ZNF143: variants seen among roughly 807,000 people sequenced by gnomAD.
ZNF143 encodes the protein zinc finger protein 143, also known as SPH-binding factor.
A neutral mutation model predicts 74.1 loss-of-function variants in ZNF143; 49 were observed. That is an observed-to-expected ratio of 0.66 (90% CI 0.53 to 0.84). ZNF143 has a LOEUF of 0.84. ZNF143 is among the 40% of genes least tolerant of loss of function. ZNF143 has a pLI of 0.00. For synonymous variants in ZNF143, 304 were observed against 282.8 expected (o/e 1.07, Z -0.75); for missense variants, 637 against 793.4 (o/e 0.80, Z 2.37).
chr11:9,482,224 C>T (rs1274182324), intron 7 of ZNF143, among the ~76,000 whole-genome samples: 1 of 147,858 alleles, frequency 6.8e-6, no homozygotes, highest in East Asian at 2.0e-4. Context: ...CCTGCCTTGG[C>T]TTCCCAAAGT....
chr11:9,475,918 G>GTGTA (rs1214734711), intron 5 of ZNF143, among the ~76,000 whole-genome samples: 1 of 118,480 alleles, frequency 8.4e-6, no homozygotes, highest in East Asian at 2.0e-4. Flanking sequence ...ATATGTGTGT[G>GTGTA]TGTGTGTGTG....
chr11:9,471,250 T>A (rs1416377790), intron 1 of ZNF143, 52 bp from the exon 2 acceptor site: 13 of 1,428,470 alleles, frequency 9.1e-6, no homozygotes, highest in Non-Finnish European at 1.3e-5. Flanking sequence ...TTTGTAACTT[T>A]CATTTCACAT....
chr11:9,524,463 C>G (rs1389066993), intron 14 of ZNF143, among the ~76,000 whole-genome samples: 1 of 152,142 alleles, frequency 6.6e-6, no homozygotes, highest in Non-Finnish European at 1.5e-5. Flanking sequence ...TGGGATTGAT[C>G]CAAGCTAAAT....
rs537617978 is a variant in ZNF143, at chr11:9,505,393, C to T, written c.1148-3226C>T. ...CAAGTGATTCTCCTGCCTCAGCCTCCCGAGTAGCTGGGATTACAGGCGCAT... is the reference window on the plus strand; with the variant it reads ...CAAGTGATTCTCCTGCCTCAGCCTCTCGAGTAGCTGGGATTACAGGCGCAT... On this transcript the variant is annotated intron_variant, in intron 11 of 15. Coordinates refer to ENST00000396602, the MANE Select transcript of ZNF143 (RefSeq NM_003442.6). 7.9e-5 allele frequency among the ~76,000 whole-genome samples: 12 copies of T among 152,078 alleles called. No individual in the cohort carries two copies. In the East Asian group the frequency reaches 2.1e-3, roughly 27 times the overall value.
At chr11:9,486,377 T>A (rs1474270700) in intron 7 of ZNF143, among the ~76,000 whole-genome samples, 16 of 37,146 alleles carry the variant, frequency 4.3e-4, no homozygotes, top group Non-Finnish European at 5.4e-4. Flanking sequence ...ATATAATATA[T>A]TATATATATA....
intron 7 of ZNF143, among the ~76,000 whole-genome samples, chr11:9,489,238 C>A (rs1847676970): frequency 6.6e-6 from 1 of 152,110 alleles, no homozygotes; most frequent in South Asian, 2.1e-4. Context: ...GGAAATAATT[C>A]TGTTGGACAC....
intron 7 of ZNF143, among the ~76,000 whole-genome samples, chr11:9,492,192 C>G (rs183309772): frequency 2.4e-3 from 339 of 142,418 alleles, no homozygotes; most frequent in Admixed American, 7.4e-3. Flanking sequence ...CTCACTGCTT[C>G]TTCTGCCTCC....
intron 10 of ZNF143, among the ~76,000 whole-genome samples, chr11:9,499,011 A>G (rs1848064706): frequency 6.6e-6 from 1 of 152,176 alleles, no homozygotes; most frequent in Non-Finnish European, 1.5e-5. Flanking sequence ...CATAAATTCT[A>G]CTTGAATTTG....
chr11:9,515,446 G>C (rs531089566), intron 13 of ZNF143, among the ~76,000 whole-genome samples: 1 of 151,756 alleles, frequency 6.6e-6, no homozygotes, highest in African/African-American at 2.4e-5. Context: ...TCAGGAGATC[G>C]AGACCGGCTT....
rs1292923216 is a variant in ZNF143 at position 9,516,190 on chromosome 11, C to G, written c.1525-11C>G. On this transcript the variant is annotated splice_polypyrimidine_tract_variant and intron_variant, in intron 13 of 15. Coordinates refer to ENST00000396602, the MANE Select transcript of ZNF143 (RefSeq NM_003442.6). Reference sequence around the variant, plus strand: ...AACATTGACTGCTTTGTAAAATTCACTGTATTGCAGGTCAACATATCTCAA... The same window carrying G: ...AACATTGACTGCTTTGTAAAATTCAGTGTATTGCAGGTCAACATATCTCAA... 6.2e-7 allele frequency: 1 copy of G among 1,612,744 alleles called. No homozygotes were observed.
At position 9,478,622 on chromosome 11, in the gene ZNF143, A is replaced by G. The variant is rs758337139; in HGVS notation, c.570+36A>G. The stretch of plus-strand genomic sequence containing the variant: ...TCACAATGTCAAGAATGTTGCAGAT[A>G]TAGCTTCTTTATTTTTCATGAAAAG... On this transcript the variant is annotated intron_variant, in intron 6 of 15. Coordinates refer to ENST00000396602, the MANE Select transcript of ZNF143 (RefSeq NM_003442.6). 37 of 1,560,894 alleles carry G rather than the reference A, an allele frequency of 2.4e-5. 1 individual carries two copies. The highest frequency in any genetic ancestry group is 1.5e-4 in the South Asian group (13 of 86,270).
Position 9,461,044 on chromosome 11 carries a change from G to A in ZNF143, c.-40G>A. The A allele has an allele frequency of 1.0e-6, 1 of 985,960 alleles. No homozygotes were observed. The allele number at this position is 985,960 out of a possible 1,614,324, so 61.1% of individuals were successfully genotyped here. A position where few individuals can be genotyped will look rare whatever the true frequency, so the allele number is the denominator to read the frequency against. On this transcript the variant is annotated 5_prime_UTR_variant, in exon 1 of 16. Coordinates refer to ENST00000396602, the MANE Select transcript of ZNF143 (RefSeq NM_003442.6). ...TTTCCTGTCCTGGTGCATGGTGGTC[G>A]GACGAAGGAATTGTTGGAAAATTTT... is the stretch of plus-strand genomic sequence containing the variant.
chr11:9,481,526 G>A (rs1284072947), intron 7 of ZNF143, among the ~76,000 whole-genome samples: 1 of 152,036 alleles, frequency 6.6e-6, no homozygotes, highest in Non-Finnish European at 1.5e-5. Context: ...TGTTGGAGTG[G>A]CCCAATAAGT....
intron 11 of ZNF143, among the ~76,000 whole-genome samples, chr11:9,506,868 T>C (rs1009123444): frequency 6.6e-6 from 1 of 152,154 alleles, no homozygotes; most frequent in Admixed American, 6.5e-5. Context: ...GCTATGTAAC[T>C]AGCCAGTAAG....
chr11:9,485,347 C>CTTTTTTT (rs544497040), intron 7 of ZNF143, among the ~76,000 whole-genome samples: 21 of 110,428 alleles, frequency 1.9e-4, no homozygotes, highest in Non-Finnish European at 2.4e-4. Flanking sequence ...TTCTCTCTCT[C>CTTTTTTT]TTTTTTTTTT....
chr11:9,504,616 T>G (rs1848285667), intron 11 of ZNF143, among the ~76,000 whole-genome samples: 1 of 126,090 alleles, frequency 7.9e-6, no homozygotes, highest in Non-Finnish European at 1.9e-5. Flanking sequence ...GTTTTATTAC[T>G]GGTATTAAGA....
At chr11:9,525,217 T>C (rs1849081468) in intron 14 of ZNF143, 23 bp from the exon 15 acceptor site, 1 of 1,613,854 alleles carries the variant, frequency 6.2e-7, no homozygotes, top group Middle Eastern at 1.6e-4. Context: ...TTTATGTGTA[T>C]GGTTTGTTTT....
At chr11:9,479,386 C>T in intron 6 of ZNF143, 86 bp from the exon 7 acceptor site, 1 of 988,496 alleles carries the variant, frequency 1.0e-6, no homozygotes, top group Non-Finnish European at 1.4e-6. Flanking sequence ...TTTTTTTTTG[C>T]AAGCTTCTCC....
Position 9,473,966 on chromosome 11 carries a change from C to A in ZNF143, c.231C>A (p.Val77=). The A allele has an allele frequency of 3.1e-6, 5 of 1,614,066 alleles. No individual in the cohort carries two copies. Among genetic ancestry groups the A allele is most frequent in the Non-Finnish European group, 4.2e-6 (5 of 1,179,962 alleles). ...ATGCAAAACTCATAGATGGCCAGGT[C>A]ATTCAGTTGGAAGATGGTTCTGCGG... ...SKDAKLIDGQ[V]IQLEDGSAAY... Residue 77 remains valine (V), a synonymous_variant, in exon 4 of 16, where the codon GTC becomes GTA. Transcript: ENST00000396602.
Sources: allele counts gnomAD v4.1 joint callset (sites outside exome capture counted in the v4.1 genomes callset), GRCh38; gene constraint gnomAD v4.1.1; transcripts MANE v1.5; gene names NCBI Gene and HGNC (gene_info 2026-07-23, HGNC 2026-07-21).